Variants in ITGA1 observed in about 807,000 individuals in gnomAD.
The protein encoded by ITGA1 is integrin alpha-1.
A neutral mutation model predicts 145.9 loss-of-function variants in ITGA1; 85 were observed. That is an observed-to-expected ratio of 0.58 (90% confidence interval 0.49 to 0.70). The LOEUF is 0.70. Ranked by LOEUF, ITGA1 falls within the 30% of genes least tolerant of loss-of-function variation. The pLI, the probability that ITGA1 is intolerant of heterozygous loss-of-function variation, is 0.00. For missense variants in ITGA1, 1,351 were observed against 1,418.7 expected, an observed-to-expected ratio of 0.95 and a Z score of 0.77; for synonymous variants, 520 against 495.3, an observed-to-expected ratio of 1.05 and a Z score of -0.66.
In ITGA1 at chr5:52,800,942, A is replaced by T. The variant is rs1748465977; in HGVS notation, c.61+12528A>T. The T allele has an allele frequency of 6.2e-7, 1 of 1,614,050 alleles. No individual in the cohort carries two copies. Among genetic ancestry groups the T allele is most frequent in the Admixed American group, 1.7e-5 (1 of 60,004 alleles). On this transcript the variant is annotated intron_variant, in intron 1 of 28. Transcript: ENST00000282588. ...TGCTCTCAGCATGACCGGGCCTTGG[A>T]GCGGTTCTATGAACAGGTGGTCCAG...
intron 1 of ITGA1, among the ~76,000 whole-genome samples, chr5:52,813,668 T>C (rs914047229): frequency 4.8e-4 from 73 of 152,280 alleles, no homozygotes; most frequent in Admixed American, 2.2e-3. Context: ...GAATAATCTC[T>C]GAGTGTGAAA....
At chr5:52,791,224 G>A (rs1225950838) in intron 1 of ITGA1, among the ~76,000 whole-genome samples, 1 of 152,210 alleles carries the variant, frequency 6.6e-6, no homozygotes, top group African/African-American at 2.4e-5. Context: ...GTTTCATAAA[G>A]TGACAGTTTA....
chr5:52,844,427 T>A (rs1274415156), intron 1 of ITGA1, among the ~76,000 whole-genome samples: 2 of 152,214 alleles, frequency 1.3e-5, no homozygotes, highest in Non-Finnish European at 2.9e-5. Flanking sequence ...ACTAGCCCTT[T>A]CTAGTTTTAG....
At chr5:52,888,639 A>C (rs1374456242) in intron 8 of ITGA1, among the ~76,000 whole-genome samples, 1 of 152,250 alleles carries the variant, frequency 6.6e-6, no homozygotes, top group Admixed American at 6.5e-5. Context: ...TCTAGTGGGG[A>C]ACAAGTTCTG....
chr5:52,833,037 C>A (rs1331517642), intron 1 of ITGA1, among the ~76,000 whole-genome samples: 2 of 151,610 alleles, frequency 1.3e-5, no homozygotes, highest in Non-Finnish European at 2.9e-5. Context: ...ACTAAAAATA[C>A]AAAAATTAGC....
At chr5:52,911,958 ATATAGTGTATCTACTATATATACTATATG>A (rs1750553667) in intron 14 of ITGA1, among the ~76,000 whole-genome samples, 4 of 69,680 alleles carry the variant, frequency 5.7e-5, no homozygotes, top group Non-Finnish European at 1.0e-4. Context: ...TATATACTAT[ATATAGTGTATCTACTATATATACTATATG>A]TATAGTGTGT....
chr5:52,820,909 T>C (rs999754791), intron 1 of ITGA1, among the ~76,000 whole-genome samples: 1 of 152,170 alleles, frequency 6.6e-6, no homozygotes, highest in African/African-American at 2.4e-5. Flanking sequence ...TAAAACCCCT[T>C]AGCCCAGTGG....
intron 28 of ITGA1, among the ~76,000 whole-genome samples, chr5:52,950,170 A>C (rs940597716): frequency 1.3e-5 from 2 of 152,194 alleles, no homozygotes; most frequent in Non-Finnish European, 2.9e-5. Flanking sequence ...ACTTGTCCTG[A>C]ACTGTGGTAC....
chr5:52,792,331 C>A (rs1404308546), intron 1 of ITGA1, among the ~76,000 whole-genome samples: 5 of 152,076 alleles, frequency 3.3e-5, no homozygotes, highest in African/African-American at 1.2e-4. Flanking sequence ...CAATGGCAGA[C>A]AATGTATTGT....
chr5:52,886,372 G>A (rs1750047136), intron 7 of ITGA1, among the ~76,000 whole-genome samples: 1 of 152,166 alleles, frequency 6.6e-6, no homozygotes, highest in Admixed American at 6.5e-5. Flanking sequence ...CTCTCTTCCT[G>A]CTTAAAGATA....
At chr5:52,907,088 G>T (rs1750421431) in intron 12 of ITGA1, among the ~76,000 whole-genome samples, 1 of 152,142 alleles carries the variant, frequency 6.6e-6, no homozygotes, top group Non-Finnish European at 1.5e-5. Context: ...CCAGTAAGAG[G>T]TTATTTTTAC....
intron 13 of ITGA1, among the ~76,000 whole-genome samples, chr5:52,909,689 C>T (rs1750467748): frequency 6.6e-6 from 1 of 150,722 alleles, no homozygotes; most frequent in Admixed American, 6.6e-5. Flanking sequence ...CTCCTGTCAA[C>T]TTTTTTTGTC....
chr5:52,921,474 C>G (rs1750728909), intron 17 of ITGA1, among the ~76,000 whole-genome samples: 1 of 152,060 alleles, frequency 6.6e-6, no homozygotes, highest in Non-Finnish European at 1.5e-5. Flanking sequence ...GGACCAAGAT[C>G]AATCTATTAT....
Position 52,920,552 on chromosome 5 carries a change from A to G in ITGA1, c.2292+84A>G, listed in dbSNP as rs1561249866. 2.6e-6 allele frequency: 3 copies of G among 1,136,822 alleles called. No individual in the cohort carries two copies. In the African/African-American group the frequency reaches 4.8e-5, roughly 18 times the overall value. 70.4% of individuals were successfully genotyped at this position (1,136,822 alleles called of 1,614,324 possible). ...CTTATTTCAAGTCAATCAAATTCTT[A>G]CTGTTTTATTTCAAAATGCACTTAT... On this transcript the variant is annotated intron_variant, in intron 17 of 28. Transcript: ENST00000282588.
intron 1 of ITGA1, chr5:52,800,165 CCCGAG>C: frequency 1.8e-6 from 1 of 568,130 alleles, no homozygotes; most frequent in Non-Finnish European, 3.2e-6. Flanking sequence ...TGCAGTGTTC[CCCGAG>C]CCTGTTAGAC....
chr5:52,817,529 C>A (rs1250795170), intron 1 of ITGA1, among the ~76,000 whole-genome samples: 1 of 152,086 alleles, frequency 6.6e-6, no homozygotes, highest in African/African-American at 2.4e-5. Context: ...TATGCCCAGG[C>A]CATGTAGAGA....
Position 52,881,972 on chromosome 5 carries a change from C to T in ITGA1, c.724C>T (p.Gln242Ter). The T allele has an allele frequency of 6.2e-7, 1 of 1,613,492 alleles. No homozygotes were observed. Among genetic ancestry groups the T allele is most frequent in the South Asian group, 1.1e-5 (1 of 90,978 alleles). ...ACTTGTTGCAGCAAAGAAAATAGTC[C>T]AGAGAGGTGGCCGCCAGACTATGAC... ...EVLVAAKKIV[Q>*]RGGRQTMTAL... is the part of the protein sequence containing the mutation. Residue 242 changes from glutamine (Q) to a stop codon, truncating the protein, a stop_gained, in exon 7 of 29, where the codon CAG (glutamine) becomes TAG (stop). Coordinates refer to ENST00000282588, the MANE Select transcript of ITGA1 (RefSeq NM_181501.2). LOFTEE classifies it high-confidence loss of function.
At chr5:52,937,913 C>T (rs888444636) in intron 24 of ITGA1, among the ~76,000 whole-genome samples, 2 of 151,830 alleles carry the variant, frequency 1.3e-5, no homozygotes, top group Non-Finnish European at 2.9e-5. Flanking sequence ...TCTGTCTTCA[C>T]CTGGCCTTCT....
At chr5:52,944,350 A>G (rs1183226380) in intron 26 of ITGA1, among the ~76,000 whole-genome samples, 1 of 152,136 alleles carries the variant, frequency 6.6e-6, no homozygotes, top group African/African-American at 2.4e-5. Context: ...TCCAGGAGCC[A>G]TTTAGGGCCA....
Sources: gnomAD v4.1 joint callset for allele counts (sites outside exome capture counted in the v4.1 genomes callset) on GRCh38, gnomAD v4.1.1 for gene constraint, MANE v1.5 for transcripts, NCBI Gene and HGNC (gene_info 2026-07-23, HGNC 2026-07-21) for gene names.